Variants in TBC1D5 observed in about 807,000 individuals in gnomAD.
The protein encoded by TBC1D5 is TBC1 domain family, member 5.
In TBC1D5, 75 loss-of-function variants were observed where a neutral mutation model predicts 100.3. The ratio of observed to expected loss-of-function variants is 0.75; its 90% confidence interval spans 0.62 to 0.91. The LOEUF (loss-of-function observed/expected upper bound fraction) is 0.91. Ranked by LOEUF, TBC1D5 falls within the 40% of genes least tolerant of loss-of-function variation. The pLI is 0.00. For synonymous variants in TBC1D5, 323 were observed against 325.6 expected (o/e 0.99, Z 0.09); for missense variants, 910 against 942.4 (o/e 0.97, Z 0.45).
intron 1 of TBC1D5, among the ~76,000 whole-genome samples, chr3:17,626,031 T>C (rs1179106367): frequency 6.6e-6 from 1 of 152,146 alleles, no homozygotes; most frequent in African/African-American, 2.4e-5. Context: ...TCTACTGAAT[T>C]TACCCAGATA....
intron 7 of TBC1D5, among the ~76,000 whole-genome samples, chr3:17,403,887 G>A (rs1305323826): frequency 1.3e-5 from 2 of 152,096 alleles, no homozygotes; most frequent in Non-Finnish European, 1.5e-5. Flanking sequence ...ACAGAAAGGT[G>A]CTTGGATTAC....
Position 17,690,512 on chromosome 3 carries a change from G to A in TBC1D5, c.-101+48831C>T, listed in dbSNP as rs1390856025. On this transcript the variant is annotated intron_variant, in intron 1 of 21. Transcript: ENST00000253692. ...ATTACAGGCGTGAGCCACCGCGCCC[G>A]GCCTAAAAATAGCCATATTTTATAA... 2.0e-4 allele frequency among the ~76,000 whole-genome samples: 6 copies of A among 29,546 alleles called. 2 individuals carry two copies. Among genetic ancestry groups the A allele is most frequent in the Admixed American group, 1.8e-3 (4 of 2,168 alleles). 19.4% of individuals were successfully genotyped at this position (29,546 alleles called of 152,430 possible). A position where few individuals can be genotyped will look rare whatever the true frequency, so the allele number is the denominator to read the frequency against.
chr3:17,677,019 T>C (rs1230307402), intron 1 of TBC1D5, among the ~76,000 whole-genome samples: 3 of 152,148 alleles, frequency 2.0e-5, no homozygotes, highest in Non-Finnish European at 4.4e-5. Context: ...GATTAAAGAC[T>C]TAAATGTTAG....
At chr3:17,321,153 GA>G (rs2085355828) in intron 13 of TBC1D5, among the ~76,000 whole-genome samples, 1 of 152,168 alleles carries the variant, frequency 6.6e-6, no homozygotes, top group Non-Finnish European at 1.5e-5. Context: ...CTACAGCCTT[GA>G]ACTCCTAGGC....
At chr3:17,306,602 G>A (rs949772719) in intron 14 of TBC1D5, among the ~76,000 whole-genome samples, 2 of 152,102 alleles carry the variant, frequency 1.3e-5, no homozygotes, top group Non-Finnish European at 2.9e-5. Context: ...ATAGGAGACA[G>A]GATGATTAAA....
intron 1 of TBC1D5, among the ~76,000 whole-genome samples, chr3:17,736,342 T>C (rs1472347863): frequency 6.6e-6 from 1 of 152,154 alleles, no homozygotes; most frequent in Non-Finnish European, 1.5e-5. Context: ...TGCCACAGGA[T>C]AAAGAGACTT....
intron 13 of TBC1D5, among the ~76,000 whole-genome samples, chr3:17,311,706 T>C (rs190468798): frequency 6.6e-6 from 1 of 152,184 alleles, no homozygotes; most frequent in East Asian, 1.9e-4. Context: ...TCCGTATTCT[T>C]TTCCATTAAT....
intron 1 of TBC1D5, among the ~76,000 whole-genome samples, chr3:17,683,443 T>C (rs1187862495): frequency 1.4e-5 from 2 of 147,336 alleles, no homozygotes; most frequent in East Asian, 1.9e-4. Flanking sequence ...AACAATACAG[T>C]ATTATAAGAA....
At chr3:17,654,116 TAAAAC>T (rs2065835691) in intron 1 of TBC1D5, among the ~76,000 whole-genome samples, 1 of 152,094 alleles carries the variant, frequency 6.6e-6, no homozygotes, top group Non-Finnish European at 1.5e-5. Flanking sequence ...ACTTCAAAAT[TAAAAC>T]AAGCAAAGTC....
At chr3:17,166,563 ACTTGT>A (rs977801002) in intron 21 of TBC1D5, among the ~76,000 whole-genome samples, 199 bp downstream of exon 22, 1 of 152,240 alleles carries the variant, frequency 6.6e-6, no homozygotes. Context: ...TCTAGGAGAC[ACTTGT>A]CTTACCAGTA....
At chr3:17,304,644 A>C (rs373035949) in intron 14 of TBC1D5, among the ~76,000 whole-genome samples, 47 of 152,256 alleles carry the variant, frequency 3.1e-4, no homozygotes, top group African/African-American at 1.0e-3. Flanking sequence ...AGGCTCAAGC[A>C]ATTCTCCTGC....
intron 1 of TBC1D5, among the ~76,000 whole-genome samples, chr3:17,702,889 A>G (rs2073409503): frequency 6.6e-6 from 1 of 152,152 alleles, no homozygotes; most frequent in Non-Finnish European, 1.5e-5. Flanking sequence ...TGAACAATTA[A>G]AAGTATAAGC....
intron 1 of TBC1D5, among the ~76,000 whole-genome samples, chr3:17,731,358 G>A (rs2076539218): frequency 6.6e-6 from 1 of 151,922 alleles, no homozygotes; most frequent in African/African-American, 2.4e-5. Context: ...AAAATTTGCT[G>A]GGCATGGTGG....
chr3:17,611,312 T>A (rs1261174013), intron 2 of TBC1D5, among the ~76,000 whole-genome samples: 1 of 152,126 alleles, frequency 6.6e-6, no homozygotes, highest in Non-Finnish European at 1.5e-5. Flanking sequence ...GATGTCACTC[T>A]TAGAATAAAT....
intron 17 of TBC1D5, among the ~76,000 whole-genome samples, chr3:17,229,572 C>T (rs892280331): frequency 6.6e-6 from 1 of 152,186 alleles, no homozygotes; most frequent in Admixed American, 6.5e-5. Context: ...CATAATGGTG[C>T]TATCATCACC....
intron 14 of TBC1D5, among the ~76,000 whole-genome samples, chr3:17,305,724 C>T (rs964007087): frequency 5.3e-5 from 8 of 152,282 alleles, no homozygotes; most frequent in African/African-American, 1.7e-4. Context: ...CTCATACCTC[C>T]AAGCTGGAGA....
At chr3:17,727,602 A>G (rs1407602030) in intron 1 of TBC1D5, among the ~76,000 whole-genome samples, 2 of 152,258 alleles carry the variant, frequency 1.3e-5, no homozygotes, top group Non-Finnish European at 2.9e-5. Flanking sequence ...TGATTTTGCT[A>G]GAAAAACACA....
chr3:17,408,202 C>T lies in TBC1D5; in HGVS notation c.168-1676G>A, dbSNP rs115955739. Reference sequence around the variant, plus strand: ...CCTCATCTGTAAAATGGAGTAATAACAATCTACTTAAAGGAATTATTATGA... The same window carrying T: ...CCTCATCTGTAAAATGGAGTAATAATAATCTACTTAAAGGAATTATTATGA... On this transcript the variant is annotated intron_variant, in intron 4 of 21. Coordinates refer to ENST00000253692, the Ensembl canonical transcript of TBC1D5. Among the ~76,000 whole-genome samples the T allele has an allele frequency of 3.5e-3, 523 of 149,994 alleles. 3 individuals are homozygous for T. Among genetic ancestry groups the T allele is most frequent in the African/African-American group, 0.012 (495 of 40,830 alleles).
At chr3:17,394,673 T>C (rs1008277462) in intron 8 of TBC1D5, among the ~76,000 whole-genome samples, 1 of 152,142 alleles carries the variant, frequency 6.6e-6, no homozygotes, top group Non-Finnish European at 1.5e-5. Flanking sequence ...GTCTTTTCTT[T>C]ATTTGAATCT....
Sources: gnomAD v4.1 joint callset for allele counts (sites outside exome capture counted in the v4.1 genomes callset) on GRCh38, gnomAD v4.1.1 for gene constraint, MANE v1.5 for transcripts, NCBI Gene and HGNC (gene_info 2026-07-23, HGNC 2026-07-21) for gene names.